NOMO1: variants seen among roughly 807,000 people sequenced by gnomAD.
NOMO1 encodes the protein nodal modulator 3.
Under a neutral mutation model 133.8 loss-of-function variants are expected in NOMO1, and 40 were observed. The ratio of observed to expected loss-of-function variants is 0.30; its 90% confidence interval spans 0.23 to 0.39. NOMO1 has a LOEUF of 0.39. Among genes scored for constraint, NOMO1 ranks in the 10% least tolerant of loss-of-function variants. NOMO1 has a pLI of 1.00. For synonymous variants in NOMO1, 236 were observed against 570.5 expected (o/e 0.41, Z 8.36); for missense variants, 462 against 1,419.9 (o/e 0.33, Z 10.84).
chr16:14,874,769 T>C (rs1964129761), intron 18 of NOMO1, among the ~76,000 whole-genome samples: 1 of 151,976 alleles, frequency 6.6e-6, no homozygotes, highest in South Asian at 2.1e-4. Flanking sequence ...ATGTCCTACA[T>C]GGAAGCTACA....
At chr16:14,859,730 T>C (rs1454929876) in intron 11 of NOMO1, among the ~76,000 whole-genome samples, 1 of 151,892 alleles carries the variant, frequency 6.6e-6, no homozygotes, top group African/African-American at 2.4e-5. Flanking sequence ...AAAAATAAAA[T>C]AACAAGATTT....
chr16:14,885,462 C>A (rs1799056468), intron 27 of NOMO1, among the ~76,000 whole-genome samples: 1 of 151,962 alleles, frequency 6.6e-6, no homozygotes, highest in South Asian at 2.1e-4. Context: ...TATAAAATAC[C>A]CTGCAGACCC....
chr16:14,875,123 C>T lies in NOMO1; in HGVS notation c.2142C>T (p.Ile714=), dbSNP rs763611245. Residue 714 remains isoleucine (I), a synonymous_variant, in exon 19 of 31, where the codon ATC becomes ATT. Coordinates refer to ENST00000287667, the MANE Select transcript of NOMO1 (RefSeq NM_014287.4). ...GGAGGGAGCAGCAGCTGGCTGAGAT[C>T]GAGGCCCGCAGGCAGGAGAGGGAGA... is the stretch of plus-strand genomic sequence containing the variant. ...ELRREQQLAE[I]EARRQEREKN... The T allele has an allele frequency of 3.8e-5, 61 of 1,613,580 alleles. No individual in the cohort carries two copies. The highest frequency in any genetic ancestry group is 3.3e-5 in the Admixed American group (2 of 59,978).
intron 12 of NOMO1, 125 bp from the exon 13 acceptor site, chr16:14,864,460 G>A (rs1963961890): frequency 6.5e-7 from 1 of 1,527,344 alleles, no homozygotes; most frequent in Admixed American, 2.1e-5. Context: ...AATCGGCCTG[G>A]AAACGAACCT....
At position 14,867,176 on chromosome 16, in the gene NOMO1, A is replaced by ATT. The variant is rs1174703237; in HGVS notation, c.1806+513_1806+514dup. ...TATATATATATATATATATATATAT[A>ATT]TTTTTTTTTTTTTTTTTTTTTTTTT... On this transcript the variant is annotated intron_variant, in intron 15 of 30. Transcript: ENST00000287667. Among the ~76,000 whole-genome samples, 26 of 7,474 alleles carry ATT rather than the reference A, an allele frequency of 3.5e-3. 3 individuals are homozygous for ATT. Among genetic ancestry groups the ATT allele is most frequent in the African/African-American group, 3.3e-3 (12 of 3,674 alleles). 4.9% of individuals were successfully genotyped at this position (7,474 alleles called of 152,430 possible). A position where few individuals can be genotyped will look rare whatever the true frequency, so the allele number is the denominator to read the frequency against.
At chr16:14,845,574 G>A (rs1963667940) in intron 4 of NOMO1, among the ~76,000 whole-genome samples, 1 of 151,966 alleles carries the variant, frequency 6.6e-6, no homozygotes, top group Non-Finnish European at 1.5e-5. Context: ...TGTGTGCCCA[G>A]CTCCCGCGAT....
chr16:14,867,148 TGA>T (rs1393224905), intron 15 of NOMO1, among the ~76,000 whole-genome samples: 7 of 45,636 alleles, frequency 1.5e-4, no homozygotes, highest in Non-Finnish European at 3.7e-4. Flanking sequence ...TGAGTTTCTC[TGA>T]TATATATATA....
chr16:14,866,396 G>T (rs1397599729), intron 14 of NOMO1, among the ~76,000 whole-genome samples, 159 bp from the exon 15 acceptor site: 4 of 151,144 alleles, frequency 2.6e-5, no homozygotes, highest in Admixed American at 2.0e-4. Flanking sequence ...TCCAAATACT[G>T]CTAGTTATAA....
At position 14,866,679 on chromosome 16, in the gene NOMO1, C is replaced by G. The variant is rs776165910; in HGVS notation, c.1794C>G (p.His598Gln). The G allele has an allele frequency of 1.2e-6, 2 of 1,609,994 alleles. No individual in the cohort carries two copies. Among genetic ancestry groups the G allele is most frequent in the African/African-American group, 2.7e-5 (2 of 73,598 alleles). The change falls in exon 15 of 31, where the codon CAC becomes CAG. Residue 598 changes from histidine to glutamine, a missense_variant. Physicochemically the swap from His to Gln is conservative, Grantham distance 24 (BLOSUM62 0). Transcript: ENST00000287667. ...ACATGCTGAGATGTTCCCTGTCTCACGCCATCACTCTGGTATGTACGGCTT... is the reference window on the plus strand; with the variant it reads ...ACATGCTGAGATGTTCCCTGTCTCAGGCCATCACTCTGGTATGTACGGCTT... ...TGYMLRCSLS[H>Q]AITLEFYQDG...
chr16:14,857,252 G>A lies in NOMO1; in HGVS notation c.999G>A (p.Gly333=), dbSNP rs1193876460. The stretch of plus-strand genomic sequence containing the variant: ...ACGTCATGGGATTCTCCGTCACCGG[G>A]AGGGTCTTGAACGGACCCGAAGGAG... ...VFHVMGFSVT[G]RVLNGPEGDG... The change falls in exon 10 of 31, where the codon GGG becomes GGA. Residue 333 remains glycine, a synonymous_variant. Transcript: ENST00000287667. The A allele has an allele frequency of 1.2e-6, 2 of 1,602,326 alleles. No individual in the cohort carries two copies. The highest frequency in any genetic ancestry group is 1.3e-5 in the African/African-American group (1 of 74,264).
At position 14,853,585 on chromosome 16, in the gene NOMO1, C is replaced by T. The variant is rs775533697; in HGVS notation, c.854C>T (p.Pro285Leu). The T allele has an allele frequency of 6.2e-7, 1 of 1,611,028 alleles. No homozygotes were observed. The highest frequency in any genetic ancestry group is 2.2e-5 in the East Asian group (1 of 44,822). ...EDGSFSFYSL[P>L]SGGYTVIPFY... ...GGCTCGTTCTCTTTCTATTCCTTGC[C>T]AAGTGGGGGCTACACTGTGGTGAGT... Residue 285 changes from proline (P) to leucine (L), a missense_variant, in exon 8 of 31, where the codon CCA becomes CTA. Pro to Leu is a moderately conservative substitution (Grantham distance 98). Coordinates refer to ENST00000287667, the MANE Select transcript of NOMO1 (RefSeq NM_014287.4).
chr16:14,876,760 G>A lies in NOMO1; in HGVS notation c.2613G>A (p.Lys871=), dbSNP rs1344802858. 1 of 1,610,734 alleles carries A rather than the reference G, an allele frequency of 6.2e-7. No homozygotes were observed. The highest frequency in any genetic ancestry group is 1.7e-5 in the Admixed American group (1 of 59,878). Residue 871 remains lysine (K), a synonymous_variant, in exon 22 of 31, where the codon AAG becomes AAA. Coordinates refer to ENST00000287667, the MANE Select transcript of NOMO1 (RefSeq NM_014287.4). Reference sequence around the variant, plus strand: ...TGGAAGGAACCATCGGAGACTTCAAGGCCTATGCCCTGGCAGGCGTAAGCT... The same window carrying A: ...TGGAAGGAACCATCGGAGACTTCAAAGCCTATGCCCTGGCAGGCGTAAGCT... ...TAVEGTIGDF[K]AYALAGVSFE...
chr16:14,874,144 C>G (rs117243537), intron 18 of NOMO1, among the ~76,000 whole-genome samples: 6,232 of 150,776 alleles, frequency 0.041, 283 homozygotes, highest in African/African-American at 0.096. Context: ...TCCCAGCTGG[C>G]CTTCCTGTTT....
chr16:14,876,498 T>G lies in NOMO1; in HGVS notation c.2496T>G (p.Thr832=). The part of the protein sequence containing the change: ...GASSPLITVF[T]DDKGAYSVGP... ...GTTCACCGCTGATCACAGTCTTTAC[T>G]GATGACAAAGGTGCCTACAGGTGAG... The change falls in exon 21 of 31, where the codon ACT becomes ACG. Residue 832 remains threonine, a synonymous_variant. Coordinates refer to ENST00000287667, the MANE Select transcript of NOMO1 (RefSeq NM_014287.4). 6.2e-7 allele frequency: 1 copy of G among 1,611,528 alleles called. No homozygotes were observed. The highest frequency in any genetic ancestry group is 8.5e-7 in the Non-Finnish European group (1 of 1,179,788).
At chr16:14,859,680 A>T (rs1963893647) in intron 11 of NOMO1, among the ~76,000 whole-genome samples, 1 of 152,088 alleles carries the variant, frequency 6.6e-6, no homozygotes, top group Non-Finnish European at 1.5e-5. Context: ...CTAGTTTCAT[A>T]ACCTGGTCTA....
intron 3 of NOMO1, among the ~76,000 whole-genome samples, chr16:14,843,515 A>G (rs957523731): frequency 2.0e-5 from 3 of 151,622 alleles, no homozygotes; most frequent in African/African-American, 7.3e-5. Context: ...CCTAACCTAC[A>G]CTTGGTATCG....
chr16:14,886,969 G>A, intron 28 of NOMO1, 107 bp downstream of exon 28: 1 of 1,470,662 alleles, frequency 6.8e-7, no homozygotes, highest in South Asian at 1.2e-5. Flanking sequence ...CCACTCTGCA[G>A]AAATACGCTC....
At chr16:14,860,182 CAT>C (rs1031136983) in intron 11 of NOMO1, among the ~76,000 whole-genome samples, 33 of 151,964 alleles carry the variant, frequency 2.2e-4, no homozygotes, top group African/African-American at 7.0e-4. Flanking sequence ...AGCCTGGCCG[CAT>C]GGTGAAACCC....
chr16:14,870,918 C>G (rs1964072476), intron 16 of NOMO1, among the ~76,000 whole-genome samples: 1 of 149,928 alleles, frequency 6.7e-6, no homozygotes, highest in African/African-American at 2.5e-5. Flanking sequence ...CCAAACAAAA[C>G]AAACAGAGAA....
Sources: allele counts gnomAD v4.1 joint callset (sites outside exome capture counted in the v4.1 genomes callset), GRCh38; gene constraint gnomAD v4.1.1; transcripts MANE v1.5; gene names NCBI Gene and HGNC (gene_info 2026-07-23, HGNC 2026-07-21).